Variants in AVEN observed in about 807,000 individuals in gnomAD.
AVEN encodes cell death regulator Aven.
AVEN carries 41 observed loss-of-function variants against 38.1 expected under a neutral mutation model. The observed-to-expected ratio is 1.08, with a 90% CI of 0.84 to 1.40. AVEN has a LOEUF of 1.40. Ranked by LOEUF, AVEN falls within the 40% of genes most tolerant of loss-of-function variation. The pLI is 0.00. For synonymous variants in AVEN, 206 were observed against 171.8 expected, an observed-to-expected ratio of 1.20 and a Z score of -1.56; for missense variants, 605 against 438.8, an observed-to-expected ratio of 1.38 and a Z score of -3.38.
intron 2 of AVEN, among the ~76,000 whole-genome samples, chr15:33,981,343 A>AT (rs1049922222): frequency 2.8e-4 from 43 of 152,226 alleles, no homozygotes; most frequent in African/African-American, 9.1e-4. Context: ...GTACTAATAT[A>AT]TTTTTTCCGG....
chr15:33,992,389 C>CAAAA (rs145900095), intron 2 of AVEN, among the ~76,000 whole-genome samples: 2 of 147,524 alleles, frequency 1.4e-5, no homozygotes, highest in South Asian at 4.4e-4. Flanking sequence ...GACTCCGTCT[C>CAAAA]AAAAAAAAAG....
downstream of AVEN, chr15:33,858,112 T>A (rs1004367915): frequency 1.5e-6 from 1 of 684,370 alleles, no homozygotes; most frequent in Non-Finnish European, 2.4e-6. Context: ...GTGATGGAGG[T>A]AGTTTTCATT....
At position 33,861,110 on chromosome 15, in the gene AVEN, C is replaced by G. The variant is rs541643213; in HGVS notation, n.2730-2016G>C. 1.0e-5 allele frequency: 16 copies of G among 1,596,616 alleles called. No individual in the cohort carries two copies. Among genetic ancestry groups the G allele is most frequent in the Non-Finnish European group, 1.3e-5 (15 of 1,170,598 alleles). On this transcript the variant is annotated intron_variant and non_coding_transcript_variant, in intron 11 of 11. Transcript: ENST00000675287. The stretch of plus-strand genomic sequence containing the variant: ...GTTTCATCTGTGGGATTGGCAATGA[C>G]TACTTTGACACAACCCCTCATGGTT...
Position 34,004,640 on chromosome 15 carries a change from T to C in AVEN, c.268-1431A>G, listed in dbSNP as rs1043013678. Among the ~76,000 whole-genome samples, 13 of 152,270 alleles carry C rather than the reference T, an allele frequency of 8.5e-5. 1 individual carries two copies. The highest frequency in any genetic ancestry group is 3.9e-4 in the Admixed American group (6 of 15,288). Reference sequence around the variant, plus strand: ...CTTTTAGATATAAACACTGAACTCTTTATGGATGAAAAGATAGGACATGTG... The same window carrying C: ...CTTTTAGATATAAACACTGAACTCTCTATGGATGAAAAGATAGGACATGTG... On this transcript the variant is annotated intron_variant, in intron 1 of 5. Transcript: ENST00000306730.
intron 2 of AVEN, among the ~76,000 whole-genome samples, chr15:33,937,519 C>T (rs946961176): frequency 8.5e-5 from 12 of 141,682 alleles, no homozygotes; most frequent in African/African-American, 7.5e-5. Flanking sequence ...GGCGACAGAG[C>T]GAGACTCCAT....
intron 5 of AVEN, among the ~76,000 whole-genome samples, chr15:34,047,109 G>C (rs1471848688): frequency 1.3e-5 from 2 of 148,322 alleles, no homozygotes. Context: ...ACGGAGTCTC[G>C]TTCTGTCGCC....
chr15:33,940,254 G>C (rs1231201608), intron 2 of AVEN, among the ~76,000 whole-genome samples: 1 of 152,218 alleles, frequency 6.6e-6, no homozygotes, highest in African/African-American at 2.4e-5. Flanking sequence ...CTGCAGCTCA[G>C]TTTCCTTCTA....
intron 1 of AVEN, among the ~76,000 whole-genome samples, chr15:34,028,219 T>C (rs921113101): frequency 1.3e-5 from 2 of 152,208 alleles, no homozygotes; most frequent in African/African-American, 2.4e-5. Context: ...TATACACATA[T>C]GTTCATGTGT....
At chr15:33,892,650 G>T (rs1490477802) in intron 2 of AVEN, among the ~76,000 whole-genome samples, 1 of 152,162 alleles carries the variant, frequency 6.6e-6, no homozygotes, top group African/African-American at 2.4e-5. Flanking sequence ...AAGTCAGGTA[G>T]CGTGATGCCT....
chr15:34,062,152 G>C (rs369834085), intron 5 of AVEN, among the ~76,000 whole-genome samples: 5 of 152,232 alleles, frequency 3.3e-5, no homozygotes, highest in African/African-American at 1.2e-4. Context: ...TCAGCCATAG[G>C]TAACAACAAA....
At chr15:34,024,680 G>A (rs1211753061) in intron 1 of AVEN, among the ~76,000 whole-genome samples, 4 of 145,930 alleles carry the variant, frequency 2.7e-5, no homozygotes, top group African/African-American at 7.7e-5. Flanking sequence ...GTGAAACCCC[G>A]TCTCTACTAA....
intron 2 of AVEN, among the ~76,000 whole-genome samples, chr15:33,937,638 G>A (rs988273287): frequency 6.6e-6 from 1 of 152,060 alleles, no homozygotes; most frequent in Admixed American, 6.6e-5. Context: ...TGGGGCCTTT[G>A]GGAGGTAATC....
At chr15:33,918,034 AAAT>A (rs1477216887) in intron 2 of AVEN, among the ~76,000 whole-genome samples, 2 of 152,244 alleles carry the variant, frequency 1.3e-5, no homozygotes, top group African/African-American at 4.8e-5. Flanking sequence ...TTACAGGTTG[AAAT>A]AATATTTTGG....
intron 2 of AVEN, among the ~76,000 whole-genome samples, chr15:33,942,539 C>T (rs999601342): frequency 3.9e-5 from 6 of 152,006 alleles, no homozygotes; most frequent in African/African-American, 1.5e-4. Context: ...CAAGCTCCGC[C>T]CCCCGGATTC....
At chr15:33,958,117 G>C (rs1895025153) in intron 2 of AVEN, among the ~76,000 whole-genome samples, 1 of 152,128 alleles carries the variant, frequency 6.6e-6, no homozygotes, top group East Asian at 1.9e-4. Flanking sequence ...AATTGTCAAA[G>C]CTTATCAAAC....
At chr15:33,993,125 T>C (rs1333748626) in intron 2 of AVEN, among the ~76,000 whole-genome samples, 1 of 152,166 alleles carries the variant, frequency 6.6e-6, no homozygotes, top group African/African-American at 2.4e-5. Context: ...ACAATGCATA[T>C]TGCATGAATT....
intron 11 of AVEN, chr15:33,859,473 T>TA (rs1448672589): frequency 7.4e-7 from 1 of 1,352,952 alleles, no homozygotes; most frequent in Non-Finnish European, 1.0e-6. Flanking sequence ...TCTCGTGGCT[T>TA]AGGGCTGCCA....
chr15:33,877,123 A>G (rs919021344), intron 2 of AVEN, among the ~76,000 whole-genome samples: 1 of 152,204 alleles, frequency 6.6e-6, no homozygotes, highest in Non-Finnish European at 1.5e-5. Context: ...GCAGTTTTAT[A>G]AAGTTTCCTA....
chr15:33,854,690 A>G (rs1365868801), downstream of AVEN: 6 of 1,527,214 alleles, frequency 3.9e-6, no homozygotes, highest in East Asian at 1.1e-4. Flanking sequence ...GTGTCTCCCA[A>G]AATAAGAAAA....
Sources: gnomAD v4.1 joint callset for allele counts (sites outside exome capture counted in the v4.1 genomes callset) on GRCh38, gnomAD v4.1.1 for gene constraint, MANE v1.5 for transcripts, NCBI Gene and HGNC (gene_info 2026-07-23, HGNC 2026-07-21) for gene names.